Variants in SEMA6D observed in about 807,000 individuals in gnomAD.
SEMA6D encodes semaphorin-6D.
In SEMA6D, 35 loss-of-function variants were observed where a neutral mutation model predicts 106.6. That is an observed-to-expected ratio of 0.33 (90% CI 0.25 to 0.44). The LOEUF (loss-of-function observed/expected upper bound fraction) is 0.44. SEMA6D is among the 20% of genes least tolerant of loss of function. The pLI is 1.00. For synonymous variants in SEMA6D, 499 were observed against 487.7 expected, an observed-to-expected ratio of 1.02 and a Z score of -0.31; for missense variants, 1,185 against 1,345.9, an observed-to-expected ratio of 0.88 and a Z score of 1.87.
intron 1 of SEMA6D, among the ~76,000 whole-genome samples, chr15:47,298,102 A>G (rs571803039): frequency 5.6e-4 from 85 of 152,202 alleles, no homozygotes; most frequent in Non-Finnish European, 1.2e-3. Flanking sequence ...TTTAAAAGGG[A>G]ACAGTTAATG....
chr15:47,246,173 T>A (rs886231425), intron 1 of SEMA6D, among the ~76,000 whole-genome samples: 8 of 152,190 alleles, frequency 5.3e-5, no homozygotes, highest in Admixed American at 5.2e-4. Context: ...GAGTGACTAC[T>A]AGCAGAGGTG....
chr15:47,243,141 A>G (rs1329372006), intron 1 of SEMA6D, among the ~76,000 whole-genome samples: 1 of 152,116 alleles, frequency 6.6e-6, no homozygotes, highest in Non-Finnish European at 1.5e-5. Flanking sequence ...TTGGAATTTG[A>G]GAAGCCAACC....
At chr15:47,250,451 G>GAA (rs2033456688) in intron 1 of SEMA6D, among the ~76,000 whole-genome samples, 1 of 151,988 alleles carries the variant, frequency 6.6e-6, no homozygotes, top group African/African-American at 2.4e-5. Flanking sequence ...AAGAAAGAAA[G>GAA]AAAGAAAGAA....
intron 2 of SEMA6D, among the ~76,000 whole-genome samples, chr15:47,415,525 G>A (rs767871435): frequency 3.3e-5 from 5 of 151,842 alleles, no homozygotes; most frequent in South Asian, 2.1e-4. Flanking sequence ...ACCCGCTCCC[G>A]TCTCCTTTCT....
At chr15:47,760,276 T>TGATG (rs2081989408) in intron 2 of SEMA6D, 28 bp from the exon 3 acceptor site, 3 of 1,508,542 alleles carry the variant, frequency 2.0e-6, no homozygotes, top group Non-Finnish European at 2.8e-6. Context: ...TAATCCTGAA[T>TGATG]GATGGTTTAG....
chr15:47,232,254 A>G (rs981236792), intron 1 of SEMA6D, among the ~76,000 whole-genome samples: 22 of 152,046 alleles, frequency 1.4e-4, no homozygotes, highest in African/African-American at 3.9e-4. Context: ...TCATCAGTCA[A>G]TAAACATTTA....
chr15:47,291,829 A>G (rs1339189496), intron 1 of SEMA6D, among the ~76,000 whole-genome samples: 1 of 152,154 alleles, frequency 6.6e-6, no homozygotes, highest in East Asian at 1.9e-4. Flanking sequence ...TGTCTATCTA[A>G]TCTATATCTG....
intron 1 of SEMA6D, among the ~76,000 whole-genome samples, chr15:47,744,142 C>T (rs989384612): frequency 6.6e-6 from 1 of 152,158 alleles, no homozygotes; most frequent in African/African-American, 2.4e-5. Context: ...TTCTGTTCTC[C>T]TGAAGCTGAC....
chr15:47,332,992 A>G (rs1159611960), intron 1 of SEMA6D, among the ~76,000 whole-genome samples: 1 of 152,222 alleles, frequency 6.6e-6, no homozygotes, highest in African/African-American at 2.4e-5. Context: ...ACAGCTCAAC[A>G]GAATCAAACA....
chr15:47,702,176 T>G (rs1740707712), intron 4 of SEMA6D, among the ~76,000 whole-genome samples: 1 of 152,286 alleles, frequency 6.6e-6, no homozygotes, highest in East Asian at 1.9e-4. Context: ...TTAATGTCTC[T>G]TCCCCATTCC....
intron 3 of SEMA6D, among the ~76,000 whole-genome samples, chr15:47,528,937 TAACGCA>T (rs915267632): frequency 1.3e-5 from 2 of 152,200 alleles, no homozygotes; most frequent in African/African-American, 4.8e-5. Context: ...AATAGTTGCT[TAACGCA>T]TATGTTCATG....
chr15:47,231,212 T>A (rs1001721898), intron 1 of SEMA6D, among the ~76,000 whole-genome samples: 1 of 151,942 alleles, frequency 6.6e-6, no homozygotes, highest in African/African-American at 2.4e-5. Flanking sequence ...TTGAAATCCT[T>A]CAACAGGCAG....
chr15:47,467,199 A>C (rs1460425352), intron 2 of SEMA6D, among the ~76,000 whole-genome samples: 1 of 152,092 alleles, frequency 6.6e-6, no homozygotes, highest in Admixed American at 6.6e-5. Flanking sequence ...TATCCATATC[A>C]ATGTAAAAGG....
At chr15:47,468,165 G>A (rs1183275378) in intron 2 of SEMA6D, among the ~76,000 whole-genome samples, 2 of 152,038 alleles carry the variant, frequency 1.3e-5, no homozygotes, top group African/African-American at 2.4e-5. Context: ...ATATGTTACT[G>A]TGTGTTTGTG....
Position 47,605,284 on chromosome 15 carries a change from G to A in SEMA6D, c.-55+4388G>A, listed in dbSNP as rs531315256. 3 of 152,214 alleles carry A rather than the reference G, an allele frequency of 2.0e-5. No homozygotes were observed. In the East Asian group the frequency reaches 5.8e-4, roughly 29 times the overall value. The allele number at this position is 152,214 out of a possible 1,614,324, so 9.4% of individuals were successfully genotyped here. On this transcript the variant is annotated intron_variant, in intron 4 of 19. Transcript: ENST00000558014. ...TACTAGGAGGCTCAATTCCTTACATGTTCGCCTCTCCATAGGCCACTTGAG... is the reference window on the plus strand; with the variant it reads ...TACTAGGAGGCTCAATTCCTTACATATTCGCCTCTCCATAGGCCACTTGAG...
chr15:47,473,615 G>A (rs531380607), intron 3 of SEMA6D, among the ~76,000 whole-genome samples: 34 of 152,208 alleles, frequency 2.2e-4, no homozygotes, highest in African/African-American at 7.0e-4. Flanking sequence ...TTTTTCATGC[G>A]TTAGAGAATT....
chr15:47,660,956 C>G (rs191309724), intron 4 of SEMA6D, among the ~76,000 whole-genome samples: 63 of 152,304 alleles, frequency 4.1e-4, no homozygotes, highest in African/African-American at 1.4e-3. Context: ...CTAATGTCTT[C>G]TTTGAGCAAA....
At chr15:47,295,753 T>A (rs934165708) in intron 1 of SEMA6D, among the ~76,000 whole-genome samples, 2 of 152,250 alleles carry the variant, frequency 1.3e-5, no homozygotes, top group African/African-American at 4.8e-5. Context: ...TAAAATTTGC[T>A]TTGACATATA....
intron 1 of SEMA6D, among the ~76,000 whole-genome samples, chr15:47,740,952 T>C (rs567435862): frequency 1.3e-5 from 2 of 152,338 alleles, no homozygotes; most frequent in South Asian, 4.1e-4. Context: ...ATGAATCTTC[T>C]CAATTACTTG....
Sources: allele counts gnomAD v4.1 joint callset (sites outside exome capture counted in the v4.1 genomes callset), GRCh38; gene constraint gnomAD v4.1.1; transcripts MANE v1.5; gene names NCBI Gene and HGNC (gene_info 2026-07-23, HGNC 2026-07-21).